The following PTPRN2 variants were observed in gnomAD, a reference collection of about 807,000 sequenced individuals.
PTPRN2 encodes the protein receptor-type tyrosine-protein phosphatase N2.
Under a neutral mutation model 118.8 loss-of-function variants are expected in PTPRN2, and 74 were observed. The observed-to-expected ratio is 0.62, with a 90% CI of 0.52 to 0.76. PTPRN2 has a LOEUF of 0.76. Ranked by LOEUF, PTPRN2 falls within the 30% of genes least tolerant of loss-of-function variation. The pLI is 0.00. For synonymous variants in PTPRN2, 641 were observed against 608.0 expected (o/e 1.05, Z -0.80); for missense variants, 1,481 against 1,394.4 (o/e 1.06, Z -0.99).
rs964238709 is a variant in PTPRN2 at position 157,868,905 on chromosome 7, G to C, written c.1788+29768C>G. 6.6e-6 allele frequency: 1 copy of C among 152,210 alleles called. No individual in the cohort carries two copies. Among genetic ancestry groups the C allele is most frequent in the Non-Finnish European group, 1.5e-5 (1 of 68,046 alleles). The allele number at this position is 152,210 out of a possible 1,614,324, so 9.4% of individuals were successfully genotyped here. On this transcript the variant is annotated intron_variant, in intron 12 of 22. Coordinates refer to ENST00000389418, the MANE Select transcript of PTPRN2 (RefSeq NM_002847.5). This position sits in a 1 kb window ranked among gnomAD's most constrained non-coding sequence, Gnocchi z 5.2. ...TTTAGCATTGCCTAGCACCAGTGGT[G>C]AGGCCAGGCCTCCCGCGCCCTCCAT... is the stretch of plus-strand genomic sequence containing the variant.
rs1020191840 is a variant in PTPRN2, at chr7:157,598,500, G to A, written c.2419-3185C>T. Reference sequence around the variant, plus strand: ...GGGAGTGAGGAGCTTGGACGTCGGCGTCTCCGGGCCTCAGTCTCCATATCT... The same window carrying A: ...GGGAGTGAGGAGCTTGGACGTCGGCATCTCCGGGCCTCAGTCTCCATATCT... On this transcript the variant is annotated intron_variant, in intron 16 of 22. Coordinates refer to ENST00000389418, the MANE Select transcript of PTPRN2 (RefSeq NM_002847.5). The surrounding 1 kb of genome is among the most constrained non-coding windows in gnomAD (Gnocchi z 5.2). Among the ~76,000 whole-genome samples, 2 of 147,250 alleles carry A rather than the reference G, an allele frequency of 1.4e-5. No individual in the cohort carries two copies. Among genetic ancestry groups the A allele is most frequent in the African/African-American group, 2.6e-5 (1 of 37,890 alleles).
Position 157,622,688 on chromosome 7 carries a change from C to T in PTPRN2, c.2197-1179G>A, listed in dbSNP as rs565387278. Among the ~76,000 whole-genome samples, 16 of 152,174 alleles carry T rather than the reference C, an allele frequency of 1.1e-4. No homozygotes were observed. The highest frequency in any genetic ancestry group is 5.2e-4 in the Admixed American group (8 of 15,288). On this transcript the variant is annotated intron_variant, in intron 14 of 22. Coordinates refer to ENST00000389418, the MANE Select transcript of PTPRN2 (RefSeq NM_002847.5). This position sits in a 1 kb window ranked among gnomAD's most constrained non-coding sequence, Gnocchi z 5.3. ...GCATCGGGCACCTGTGCTGTTTGCG[C>T]GACACCCCCGCATCTGGGTGGGTGT...
intron 14 of PTPRN2, among the ~76,000 whole-genome samples, chr7:157,624,494 T>C (rs60412024): frequency 6.6e-5 from 10 of 152,122 alleles, no homozygotes; most frequent in African/African-American, 2.4e-4. Context: ...GCCTTACACA[T>C]GCTCAGAATA....
chr7:158,349,862 A>G (rs1206023586), intron 2 of PTPRN2, among the ~76,000 whole-genome samples: 42 of 129,528 alleles, frequency 3.2e-4, no homozygotes, highest in Middle Eastern at 5.6e-3. Context: ...AGTGCTGAGG[A>G]TGGCCCACGT....
intron 16 of PTPRN2, among the ~76,000 whole-genome samples, chr7:157,599,857 CCA>C (rs1488186120): frequency 6.6e-6 from 1 of 151,422 alleles, no homozygotes; most frequent in African/African-American, 2.4e-5. Flanking sequence ...CTCCACCTGC[CCA>C]CCTCTCCACC....
At chr7:158,010,032 C>G (rs1393139046) in intron 11 of PTPRN2, among the ~76,000 whole-genome samples, 1 of 152,198 alleles carries the variant, frequency 6.6e-6, no homozygotes, top group Non-Finnish European at 1.5e-5. Flanking sequence ...CCTCCACCCT[C>G]ACTTCCAGCC....
chr7:158,210,932 G>A (rs1827545947), intron 3 of PTPRN2, among the ~76,000 whole-genome samples: 1 of 152,124 alleles, frequency 6.6e-6, no homozygotes, highest in Non-Finnish European at 1.5e-5. Flanking sequence ...AGAGGAGGAG[G>A]AAACACTTCC....
rs942521901 is a variant in PTPRN2, at chr7:158,250,106, G to T, written c.278-44833C>A. Among the ~76,000 whole-genome samples the T allele has an allele frequency of 9.2e-5, 14 of 152,194 alleles. No individual in the cohort carries two copies. In the East Asian group the frequency reaches 2.7e-3, roughly 29 times the overall value. ...GCAACAGATGAATTGTTGAAGTATG[G>T]TACATCAGCTCTAAATGCTTCACAT... On this transcript the variant is annotated intron_variant, in intron 3 of 22. Coordinates refer to ENST00000389418, the MANE Select transcript of PTPRN2 (RefSeq NM_002847.5).
chr7:157,637,776 G>A (rs1421073539), intron 14 of PTPRN2, among the ~76,000 whole-genome samples: 2 of 152,190 alleles, frequency 1.3e-5, no homozygotes, highest in South Asian at 2.1e-4. Flanking sequence ...GCCAGGCAAC[G>A]CATAGACAGC....
Position 157,656,408 on chromosome 7 carries a change from G to A in PTPRN2, c.2145C>T (p.Ser715=), listed in dbSNP as rs747100294. ...CCATGTTGGACTGCACAGGCTCCTCGGACCAGGATGAGGCGCTGCTGCGTG... is the reference window on the plus strand; with the variant it reads ...CCATGTTGGACTGCACAGGCTCCTCAGACCAGGATGAGGCGCTGCTGCGTG... ...PSARSSASSW[S]EEPVQSNMDI... The change falls in exon 14 of 23, where the codon TCC becomes TCT. Residue 715 remains serine, a synonymous_variant. Transcript: ENST00000389418. 2.2e-5 allele frequency: 34 copies of A among 1,552,870 alleles called. No individual in the cohort carries two copies. Among genetic ancestry groups the A allele is most frequent in the South Asian group, 2.4e-5 (2 of 84,196 alleles).
chr7:158,476,990 A>G (rs1820318787), intron 2 of PTPRN2, among the ~76,000 whole-genome samples: 1 of 152,244 alleles, frequency 6.6e-6, no homozygotes, highest in South Asian at 2.1e-4. Context: ...ATATCACGTC[A>G]CTTTTTCTGT....
At chr7:157,842,473 G>A (rs938371821) in intron 12 of PTPRN2, among the ~76,000 whole-genome samples, 33 of 147,902 alleles carry the variant, frequency 2.2e-4, no homozygotes, top group African/African-American at 8.1e-4. Context: ...GGAGTGCAGT[G>A]GCATGATCTT....
intron 3 of PTPRN2, among the ~76,000 whole-genome samples, chr7:158,232,186 G>T (rs913210424): frequency 2.0e-5 from 3 of 151,798 alleles, no homozygotes; most frequent in African/African-American, 7.3e-5. Flanking sequence ...TTTTGAAAAG[G>T]TAAACAAAAT....
intron 13 of PTPRN2, among the ~76,000 whole-genome samples, chr7:157,670,799 C>T (rs1370126615): frequency 6.6e-6 from 1 of 152,228 alleles, no homozygotes; most frequent in East Asian, 1.9e-4. Flanking sequence ...ACAGGCTGAA[C>T]CTTGCTTTTC....
At chr7:158,329,709 C>A (rs76031989) in intron 2 of PTPRN2, among the ~76,000 whole-genome samples, 1,581 of 152,272 alleles carry the variant, frequency 0.01, 36 homozygotes, top group African/African-American at 0.036. Flanking sequence ...ATTATTATCC[C>A]ATTGACGCCA....
chr7:158,246,196 C>G (rs1796236499), intron 3 of PTPRN2, among the ~76,000 whole-genome samples: 1 of 151,768 alleles, frequency 6.6e-6, no homozygotes, highest in Non-Finnish European at 1.5e-5. Flanking sequence ...AGCTTCTCGG[C>G]ACATACGGCA....
chr7:158,465,976 C>A (rs768573585), intron 2 of PTPRN2, among the ~76,000 whole-genome samples: 2 of 152,180 alleles, frequency 1.3e-5, no homozygotes, highest in African/African-American at 4.8e-5. Flanking sequence ...CCTCACACAC[C>A]CCACTTCCTG....
intron 3 of PTPRN2, among the ~76,000 whole-genome samples, chr7:158,229,592 G>A (rs1338885791): frequency 6.6e-6 from 1 of 151,932 alleles, no homozygotes; most frequent in African/African-American, 2.4e-5. Flanking sequence ...TACATTTGCT[G>A]AACTGAAAAA....
At chr7:157,597,147 T>C (rs999887117) in intron 16 of PTPRN2, among the ~76,000 whole-genome samples, 1 of 152,204 alleles carries the variant, frequency 6.6e-6, no homozygotes, top group Non-Finnish European at 1.5e-5. Flanking sequence ...AGATGTAAGT[T>C]ATTCTCACAG....
Sources: allele counts gnomAD v4.1 joint callset (sites outside exome capture counted in the v4.1 genomes callset), GRCh38; gene constraint gnomAD v4.1.1; non-coding constraint Gnocchi (gnomAD v3.1); transcripts MANE v1.5; gene names NCBI Gene and HGNC (gene_info 2026-07-23, HGNC 2026-07-21).